The following CHSY3 variants were observed in gnomAD, a reference collection of about 807,000 sequenced individuals.
CHSY3 encodes the protein chondroitin sulfate synthase 3, also known as N-acetylgalactosaminyl-proteoglycan 3-beta-glucuronosyltransferase 3.
Under a neutral mutation model 67.2 loss-of-function variants are expected in CHSY3, and 35 were observed. That is an observed-to-expected ratio of 0.52 (90% CI 0.40 to 0.69). CHSY3 has a LOEUF of 0.69. Among genes scored for constraint, CHSY3 ranks in the 30% least tolerant of loss-of-function variants. CHSY3 has a pLI of 0.00. For missense variants in CHSY3, 1,069 were observed against 1,138.5 expected, an observed-to-expected ratio of 0.94 and a Z score of 0.88; for synonymous variants, 474 against 434.7, an observed-to-expected ratio of 1.09 and a Z score of -1.12.
intron 2 of CHSY3, among the ~76,000 whole-genome samples, chr5:130,070,291 G>T (rs939015081): frequency 6.6e-5 from 10 of 152,054 alleles, no homozygotes; most frequent in Non-Finnish European, 1.2e-4. Context: ...AATGTTAAAA[G>T]AAATGATAGA....
intron 2 of CHSY3, among the ~76,000 whole-genome samples, chr5:130,100,454 C>T (rs963366186): frequency 6.6e-6 from 1 of 151,836 alleles, no homozygotes; most frequent in Non-Finnish European, 1.5e-5. Context: ...CTCGGCCTCC[C>T]AAAGTTGAGG....
intron 2 of CHSY3, among the ~76,000 whole-genome samples, chr5:129,927,167 A>G (rs775253539): frequency 6.6e-6 from 1 of 151,748 alleles, no homozygotes; most frequent in East Asian, 1.9e-4. Context: ...TTTTCATTTT[A>G]TGTTCTTTAT....
At chr5:130,096,797 T>G (rs561087357) in intron 2 of CHSY3, among the ~76,000 whole-genome samples, 1 of 152,134 alleles carries the variant, frequency 6.6e-6, no homozygotes, top group Non-Finnish European at 1.5e-5. Context: ...TTTATCCCAG[T>G]ACAGAGCTGG....
At chr5:129,966,871 A>ATGATCAAGTTGTCCC (rs1435496797) in intron 2 of CHSY3, among the ~76,000 whole-genome samples, 6 of 151,862 alleles carry the variant, frequency 4.0e-5, no homozygotes, top group Admixed American at 4.0e-4. Flanking sequence ...TTCTTTCTTG[A>ATGATCAAGTTGTCCC]TGATCAAGTT....
At chr5:130,126,584 AGAG>A (rs757052895) in intron 2 of CHSY3, among the ~76,000 whole-genome samples, 14 of 152,172 alleles carry the variant, frequency 9.2e-5, no homozygotes, top group Non-Finnish European at 1.9e-4. Flanking sequence ...GAAAGGAAAA[AGAG>A]AGAGACAGAA....
rs1303235298 is a variant in CHSY3 at position 130,185,893 on chromosome 5, A to C, written c.*102A>C. The C allele has an allele frequency of 1.6e-6, 1 of 634,076 alleles. No homozygotes were observed. Among genetic ancestry groups the C allele is most frequent in the African/African-American group, 1.9e-5 (1 of 52,692 alleles). 39.3% of individuals were successfully genotyped at this position (634,076 alleles called of 1,614,324 possible). A position where few individuals can be genotyped will look rare whatever the true frequency, so the allele number is the denominator to read the frequency against. On this transcript the variant is annotated 3_prime_UTR_variant, in exon 3 of 3. Coordinates refer to ENST00000305031, the MANE Select transcript of CHSY3 (RefSeq NM_175856.5). ...TTGTTATTTTATTATTATTATTGTTATAATTTTATTTTGTTGTCCTGGTCT... is the reference window on the plus strand; with the variant it reads ...TTGTTATTTTATTATTATTATTGTTCTAATTTTATTTTGTTGTCCTGGTCT...
At chr5:130,145,694 T>TATACATTAAGTA (rs1227442873) in intron 2 of CHSY3, among the ~76,000 whole-genome samples, 1 of 152,116 alleles carries the variant, frequency 6.6e-6, no homozygotes, top group African/African-American at 2.4e-5. Flanking sequence ...ATTTGCAAAC[T>TATACATTAAGTA]ATACATCTGA....
chr5:129,927,825 G>A (rs1437491232), intron 2 of CHSY3, among the ~76,000 whole-genome samples: 1 of 151,676 alleles, frequency 6.6e-6, no homozygotes, highest in African/African-American at 2.4e-5. Flanking sequence ...GGATTGGAGT[G>A]GTTAATCCCT....
At chr5:130,156,164 T>C (rs1244074123) in intron 2 of CHSY3, among the ~76,000 whole-genome samples, 1 of 152,204 alleles carries the variant, frequency 6.6e-6, no homozygotes, top group East Asian at 1.9e-4. Flanking sequence ...TCACTTAAAG[T>C]ATATCCTCCA....
chr5:129,967,830 G>T (rs534977625), intron 2 of CHSY3, among the ~76,000 whole-genome samples: 95 of 151,844 alleles, frequency 6.3e-4, no homozygotes, highest in African/African-American at 2.2e-3. Context: ...CATAGTAAGG[G>T]TTTTTAAATG....
At position 130,162,802 on chromosome 5, in the gene CHSY3, G is replaced by A. The variant is rs539724635; in HGVS notation, c.1087-21427G>A. ...GACACCCTAAGAAGTGAATCTTGAA[G>A]GATGGTAGAAAGGCCACATACCAAT... On this transcript the variant is annotated intron_variant, in intron 2 of 2. Transcript: ENST00000305031. 7.2e-5 allele frequency among the ~76,000 whole-genome samples: 11 copies of A among 152,312 alleles called. No homozygotes were observed. In the South Asian group the frequency reaches 2.1e-3, roughly 29 times the overall value.
chr5:130,108,084 G>A (rs573559151), intron 2 of CHSY3, among the ~76,000 whole-genome samples: 2 of 151,598 alleles, frequency 1.3e-5, no homozygotes, highest in African/African-American at 4.8e-5. Context: ...ATTTTTAATT[G>A]TGGTGCTACC....
chr5:130,154,262 T>A (rs1017446036), intron 2 of CHSY3, among the ~76,000 whole-genome samples: 1 of 152,182 alleles, frequency 6.6e-6, no homozygotes, highest in Non-Finnish European at 1.5e-5. Context: ...TCAGTCCCAG[T>A]AGACAAGAAT....
intron 2 of CHSY3, among the ~76,000 whole-genome samples, chr5:130,100,742 C>T (rs1375523639): frequency 1.3e-5 from 2 of 152,080 alleles, no homozygotes; most frequent in African/African-American, 2.4e-5. Context: ...GTAAATGTTA[C>T]CAGTCAAAGG....
chr5:130,073,010 A>G (rs1284930500), intron 2 of CHSY3, among the ~76,000 whole-genome samples: 1 of 152,176 alleles, frequency 6.6e-6, no homozygotes, highest in East Asian at 1.9e-4. Flanking sequence ...AGGATAGGAA[A>G]AGGGAAGATG....
At chr5:130,132,588 T>G (rs1349419757) in intron 2 of CHSY3, among the ~76,000 whole-genome samples, 3 of 152,174 alleles carry the variant, frequency 2.0e-5, no homozygotes, top group Non-Finnish European at 2.9e-5. Flanking sequence ...TTTCTAACAG[T>G]ATCCTCTCTC....
intron 2 of CHSY3, among the ~76,000 whole-genome samples, chr5:130,031,633 G>C (rs1764706344): frequency 6.6e-6 from 1 of 152,102 alleles, no homozygotes; most frequent in Non-Finnish European, 1.5e-5. Flanking sequence ...TATATATCTT[G>C]CATAAACTGT....
chr5:130,099,061 T>A (rs1767143036), intron 2 of CHSY3, among the ~76,000 whole-genome samples: 1 of 152,214 alleles, frequency 6.6e-6, no homozygotes, highest in South Asian at 2.1e-4. Flanking sequence ...CAGAGCAATG[T>A]CTGTAATTGA....
chr5:130,083,057 G>A (rs190905513), intron 2 of CHSY3, among the ~76,000 whole-genome samples: 1 of 151,882 alleles, frequency 6.6e-6, no homozygotes, highest in Admixed American at 6.6e-5. Flanking sequence ...TTAGTAACAG[G>A]AACAGAGGTA....
Sources: gnomAD v4.1 joint callset for allele counts (sites outside exome capture counted in the v4.1 genomes callset) on GRCh38, gnomAD v4.1.1 for gene constraint, MANE v1.5 for transcripts, NCBI Gene and HGNC (gene_info 2026-07-23, HGNC 2026-07-21) for gene names.